Variants in MMRN1 observed in about 807,000 individuals in gnomAD.
MMRN1 encodes multimerin 1.
Under a neutral mutation model 100.7 loss-of-function variants are expected in MMRN1, and 94 were observed. The observed-to-expected ratio is 0.93, with a 90% confidence interval of 0.79 to 1.11. MMRN1 has a LOEUF of 1.11. Ranked by LOEUF, MMRN1 falls within the 50% of genes least tolerant of loss-of-function variation. The pLI is 0.00. For synonymous variants in MMRN1, 575 were observed against 505.0 expected, an observed-to-expected ratio of 1.14 and a Z score of -1.86; for missense variants, 1,606 against 1,439.1, an observed-to-expected ratio of 1.12 and a Z score of -1.88.
chr4:89,910,473 G>A (rs1040550938), intron 2 of MMRN1, among the ~76,000 whole-genome samples: 2 of 151,148 alleles, frequency 1.3e-5, no homozygotes, highest in Non-Finnish European at 3.0e-5. Context: ...CTGAGTGGGT[G>A]CATTCATTCG....
In MMRN1 at chr4:89,894,989, A is replaced by G. The variant is rs373767813; in HGVS notation, c.18A>G (p.Leu6=). The G allele has an allele frequency of 1.1e-5, 18 of 1,611,556 alleles. No individual in the cohort carries two copies. Among genetic ancestry groups the G allele is most frequent in the Non-Finnish European group, 1.5e-5 (18 of 1,178,506 alleles). The change falls in exon 1 of 8, where the codon TTA becomes TTG. Residue 6 remains leucine, a synonymous_variant. Transcript: ENST00000264790. ...CTACTGAGATGAAGGGGGCAAGATT[A>G]TTTGTCCTTCTTTCTAGTTTATGGA... is the stretch of plus-strand genomic sequence containing the variant. The part of the protein sequence containing the change: MKGAR[L]FVLLSSLWSG...
upstream of MMRN1, chr4:89,894,822 C>A (rs140764350): frequency 5.2e-6 from 7 of 1,356,548 alleles, no homozygotes; most frequent in Non-Finnish European, 6.8e-6. Context: ...TTCCTGAGTA[C>A]GCTACAAAAC....
At chr4:89,942,221 A>T (rs1722853631) in intron 6 of MMRN1, among the ~76,000 whole-genome samples, 1 of 152,172 alleles carries the variant, frequency 6.6e-6, no homozygotes, top group African/African-American at 2.4e-5. Flanking sequence ...CTTCCCAACA[A>T]TAGACGATTT....
At chr4:89,901,029 A>T (rs1721368050) in intron 1 of MMRN1, among the ~76,000 whole-genome samples, 2 of 151,948 alleles carry the variant, frequency 1.3e-5, no homozygotes, top group African/African-American at 4.8e-5. Flanking sequence ...AAAAGACAAA[A>T]TGAGGACTGA....
chr4:89,908,430 T>C (rs1409539088), intron 1 of MMRN1, among the ~76,000 whole-genome samples: 1 of 151,478 alleles, frequency 6.6e-6, no homozygotes, highest in East Asian at 1.9e-4. Flanking sequence ...AAGCTAAGAT[T>C]TGTTGTGAAA....
At chr4:89,909,237 G>T in intron 1 of MMRN1, 39 bp from the exon 2 acceptor site, 1 of 1,548,492 alleles carries the variant, frequency 6.5e-7, no homozygotes, top group South Asian at 1.2e-5. Context: ...ATTCTTTTTT[G>T]ACAACAGTTT....
chr4:89,935,285 T>A lies in MMRN1; in HGVS notation c.1605T>A (p.Ala535=). The A allele has an allele frequency of 6.2e-7, 1 of 1,613,782 alleles. No homozygotes were observed. Among genetic ancestry groups the A allele is most frequent in the Non-Finnish European group, 8.5e-7 (1 of 1,179,788 alleles). Residue 535 remains alanine, a synonymous_variant, in exon 6 of 8, where the codon GCT becomes GCA. Transcript: ENST00000264790. ...CAGACCAGAAGAATGCTCCAGCTGC[T>A]GAGTCAGTTAGCAATAATGTCACTG... ...QVSDQKNAPA[A]ESVSNNVTEY... is the part of the protein sequence containing the mutation.
Position 89,895,344 on chromosome 4 carries a change from T to G in MMRN1, c.373T>G (p.Phe125Val), listed in dbSNP as rs746732304. Residue 125 changes from phenylalanine (F) to valine (V), a missense_variant, in exon 1 of 8, where the codon TTC (phenylalanine) becomes GTC (valine). Coordinates refer to ENST00000264790, the MANE Select transcript of MMRN1 (RefSeq NM_007351.3). ...CCTCCCAACCAACGCTAGCATCAAG[T>G]TCAATCCTGGAGCAGAATCAGTGGT... Reference protein sequence around the residue: ...LTLPTNASIKFNPGAESVVLS... With the variant: ...LTLPTNASIKVNPGAESVVLS... The G allele has an allele frequency of 6.2e-7, 1 of 1,613,896 alleles. No homozygotes were observed. Among genetic ancestry groups the G allele is most frequent in the Admixed American group, 1.7e-5 (1 of 59,994 alleles).
intron 7 of MMRN1, among the ~76,000 whole-genome samples, chr4:89,952,431 G>A (rs368168196): frequency 2.6e-5 from 4 of 152,134 alleles, no homozygotes; most frequent in Non-Finnish European, 2.9e-5. Context: ...CCTGCATAGT[G>A]AAATGTAAAT....
intron 1 of MMRN1, among the ~76,000 whole-genome samples, chr4:89,898,433 C>T (rs1339444897): frequency 3.3e-5 from 5 of 151,972 alleles, no homozygotes; most frequent in African/African-American, 1.2e-4. Flanking sequence ...CTCTCAGCTC[C>T]TACATTACAC....
At position 89,923,230 on chromosome 4, in the gene MMRN1, G is replaced by C; in HGVS notation, c.913G>C (p.Gly305Arg). ...TGAAAGTCATACAGCTGTTGGCAGA[G>C]GAGTAGCTGAGCAGCAGCAGCAGCA... ...QAESHTAVGR[G>R]VAEQQQQQGC... The change falls in exon 4 of 8, where the codon GGA becomes CGA. Residue 305 changes from glycine (G) to arginine (R), a missense_variant. Physicochemically the swap from Gly to Arg is moderately radical, Grantham distance 125. Coordinates refer to ENST00000264790, the MANE Select transcript of MMRN1 (RefSeq NM_007351.3). 1 of 1,613,992 alleles carries C rather than the reference G, an allele frequency of 6.2e-7. No homozygotes were observed. The highest frequency in any genetic ancestry group is 8.5e-7 in the Non-Finnish European group (1 of 1,179,868).
Position 89,894,969 on chromosome 4 carries a change from G to T in MMRN1, c.-3G>T, listed in dbSNP as rs893662724. 6.2e-7 allele frequency: 1 copy of T among 1,603,468 alleles called. No individual in the cohort carries two copies. The highest frequency in any genetic ancestry group is 1.1e-5 in the South Asian group (1 of 89,492). ...ATGAGCTACCTTGCTTCAAACTACT[G>T]AGATGAAGGGGGCAAGATTATTTGT... On this transcript the variant is annotated 5_prime_UTR_variant, in exon 1 of 8. The change abolishes the stop of an existing upstream ORF in the 5' untranslated region. Coordinates refer to ENST00000264790, the MANE Select transcript of MMRN1 (RefSeq NM_007351.3).
At position 89,953,250 on chromosome 4, in the gene MMRN1, G is replaced by A. The variant is rs772424410; in HGVS notation, c.3519G>A (p.Glu1173=). The stretch of plus-strand genomic sequence containing the variant: ...ATGGAATAGACAAGCTTGCATTTGA[G>A]TCTGAAAATATTAACAGTGAAATAC... ...VVDGIDKLAF[E]SENINSEIHC... Residue 1173 remains glutamate (E), a synonymous_variant, in exon 8 of 8, where the codon GAG becomes GAA. Transcript: ENST00000264790. The A allele has an allele frequency of 3.1e-6, 5 of 1,613,856 alleles. No homozygotes were observed. The highest frequency in any genetic ancestry group is 4.2e-6 in the Non-Finnish European group (5 of 1,179,854).
chr4:89,919,095 C>T (rs72659409), intron 3 of MMRN1, among the ~76,000 whole-genome samples: 16,472 of 151,268 alleles, frequency 0.11, 1,671 homozygotes, highest in East Asian at 0.3. Flanking sequence ...AATGATATTC[C>T]TAGATCAGAA....
chr4:89,936,285 G>A lies in MMRN1; in HGVS notation c.2605G>A (p.Val869Ile), dbSNP rs779939281. 4.3e-6 allele frequency: 7 copies of A among 1,611,390 alleles called. No individual in the cohort carries two copies. Among genetic ancestry groups the A allele is most frequent in the African/African-American group, 4.0e-5 (3 of 74,744 alleles). Reference sequence around the variant, plus strand: ...TCGGTTGCAAGACATTGAGTCTAAAGTTACCCAGACGCTCATACCTTATTA... The same window carrying A: ...TCGGTTGCAAGACATTGAGTCTAAAATTACCCAGACGCTCATACCTTATTA... ...ETRLQDIESK[V>I]TQTLIPYYIS... The change falls in exon 6 of 8, where the codon GTT (valine) becomes ATT (isoleucine). Residue 869 changes from valine to isoleucine, a missense_variant. By Grantham distance (29) the Val-to-Ile change is conservative (BLOSUM62 3). Coordinates refer to ENST00000264790, the MANE Select transcript of MMRN1 (RefSeq NM_007351.3).
intron 6 of MMRN1, among the ~76,000 whole-genome samples, chr4:89,949,188 T>C (rs1057071253): frequency 2.0e-5 from 3 of 152,188 alleles, no homozygotes; most frequent in Non-Finnish European, 2.9e-5. Context: ...ATAAATCTAA[T>C]TTTTTCCACA....
At chr4:89,895,632 T>A in intron 1 of MMRN1, 38 bp downstream of exon 1, 1 of 1,571,648 alleles carries the variant, frequency 6.4e-7, no homozygotes, top group Non-Finnish European at 8.6e-7. Context: ...TTTCTCTGTC[T>A]ATCAGGTCTA....
intron 1 of MMRN1, among the ~76,000 whole-genome samples, chr4:89,898,338 G>A (rs1401081928): frequency 6.6e-6 from 1 of 151,908 alleles, no homozygotes; most frequent in African/African-American, 2.4e-5. Context: ...TTTACAGAGG[G>A]ATTAAGTAGC....
chr4:89,922,098 T>TATTGATTG (rs369090427), intron 3 of MMRN1, among the ~76,000 whole-genome samples: 88 of 152,050 alleles, frequency 5.8e-4, no homozygotes, highest in African/African-American at 2.0e-3. Context: ...TTATTTTAAT[T>TATTGATTG]ATTGATTGAT....
Sources: allele counts gnomAD v4.1 joint callset (sites outside exome capture counted in the v4.1 genomes callset), GRCh38; gene constraint gnomAD v4.1.1; transcripts MANE v1.5; gene names NCBI Gene and HGNC (gene_info 2026-07-23, HGNC 2026-07-21).